Variants in SH3BP5 observed in about 807,000 individuals in gnomAD.
SH3BP5 encodes SH3 domain-binding protein 5.
Under a neutral mutation model 43.3 loss-of-function variants are expected in SH3BP5, and 22 were observed. That is an observed-to-expected ratio of 0.51 (90% CI 0.36 to 0.73). The LOEUF is 0.73. SH3BP5 is among the 30% of genes least tolerant of loss of function. The probability of loss-of-function intolerance (pLI) is 0.00; values close to 1 mark genes in which losing one functional copy is unlikely to be tolerated. For missense variants in SH3BP5, 529 were observed against 586.9 expected (o/e 0.90, Z 1.02); for synonymous variants, 255 against 225.8 (o/e 1.13, Z -1.16).
intron 5 of SH3BP5, chr3:15,260,279 C>G (rs1365622591): frequency 1.2e-5 from 2 of 173,826 alleles, no homozygotes; most frequent in Non-Finnish European, 2.5e-5. Flanking sequence ...CCACTCCTCC[C>G]TCACAGCACA....
chr3:15,336,222 G>T (rs1044240028), upstream of SH3BP5, among the ~76,000 whole-genome samples: 4 of 152,204 alleles, frequency 2.6e-5, no homozygotes, highest in South Asian at 2.1e-4. Context: ...ATGTGCAAAG[G>T]TCCTGAGGTG....
chr3:15,297,080 C>A (rs373004084), intron 3 of SH3BP5, among the ~76,000 whole-genome samples: 32 of 152,254 alleles, frequency 2.1e-4, no homozygotes, highest in African/African-American at 7.7e-4. Flanking sequence ...CTAGGATTAA[C>A]ATAATAGTTC....
rs190588965 is a variant in SH3BP5 at position 15,295,160 on chromosome 3, C to A, written c.330+8943G>T. The stretch of plus-strand genomic sequence containing the variant: ...TCTACATCAGAGCCACATGGTTCAG[C>A]GCACTAACAAATAAGCCTCTCCATG... On this transcript the variant is annotated intron_variant, in intron 3 of 8. Coordinates refer to ENST00000383791, the MANE Select transcript of SH3BP5 (RefSeq NM_004844.5). Among the ~76,000 whole-genome samples the A allele has an allele frequency of 1.9e-3, 284 of 152,256 alleles. 5 individuals carry two copies. The highest frequency in any genetic ancestry group is 6.5e-3 in the African/African-American group (270 of 41,538).
intron 7 of SH3BP5, chr3:15,257,485 C>T: frequency 5.6e-6 from 1 of 177,196 alleles, no homozygotes; most frequent in Non-Finnish European, 1.2e-5. Context: ...TTCTAGTCCT[C>T]TGTAACATAT....
intron 7 of SH3BP5, chr3:15,258,227 T>C (rs1171330465): frequency 6.6e-6 from 1 of 151,968 alleles, no homozygotes; most frequent in Non-Finnish European, 1.5e-5. Context: ...GTTGGGTGGG[T>C]TTTCTTGATG....
intron 3 of SH3BP5, chr3:15,271,747 G>A (rs1282018822): frequency 1.3e-5 from 2 of 152,116 alleles, no homozygotes; most frequent in African/African-American, 4.8e-5. Flanking sequence ...TGACCACAGG[G>A]AAACTTACAA....
At chr3:15,288,137 G>C (rs1446456569) in intron 3 of SH3BP5, among the ~76,000 whole-genome samples, 1 of 152,184 alleles carries the variant, frequency 6.6e-6, no homozygotes, top group African/African-American at 2.4e-5. Flanking sequence ...ATTCCCTCTT[G>C]CTCATGGGAG....
intron 5 of SH3BP5, 30 bp downstream of exon 5, chr3:15,262,129 G>C: frequency 6.2e-7 from 1 of 1,612,156 alleles, no homozygotes; most frequent in Non-Finnish European, 8.5e-7. Context: ...ACAGCCGCAC[G>C]GCCCCAGGGA....
Position 15,257,777 on chromosome 3 carries a change from C to T in SH3BP5, c.890-664G>A, listed in dbSNP as rs115265578. Among the ~76,000 whole-genome samples the T allele has an allele frequency of 4.2e-3, 635 of 152,342 alleles. 2 individuals carry two copies. The highest frequency in any genetic ancestry group is 0.031 in the Middle Eastern group (9 of 292). On this transcript the variant is annotated intron_variant, in intron 7 of 8. Coordinates refer to ENST00000383791, the MANE Select transcript of SH3BP5 (RefSeq NM_004844.5). ...GTTTCAAAGCCTCTTTGGCCTTTAG[C>T]GGTTTTCCCTCAGCCTGCCCACAAT...
At chr3:15,328,410 CA>C (rs1393989876) in intron 2 of SH3BP5, among the ~76,000 whole-genome samples, 3 of 146,368 alleles carry the variant, frequency 2.0e-5, no homozygotes, top group African/African-American at 7.6e-5. Flanking sequence ...TAGAATCAAT[CA>C]ATGCTTTTAA....
At chr3:15,336,385 T>A (rs1273472673), upstream of SH3BP5, among the ~76,000 whole-genome samples, 1 of 152,142 alleles carries the variant, frequency 6.6e-6, no homozygotes, top group African/African-American at 2.4e-5. Flanking sequence ...TTGGATTTTG[T>A]TCTGAGTGAG....
intron 4 of SH3BP5, among the ~76,000 whole-genome samples, chr3:15,263,241 C>T (rs1696517653): frequency 6.6e-6 from 1 of 152,204 alleles, no homozygotes; most frequent in South Asian, 2.1e-4. Context: ...AGACCTCCTC[C>T]CGTTCACACC....
intron 3 of SH3BP5, 134 bp from the exon 4 acceptor site, chr3:15,270,011 A>G: frequency 1.4e-6 from 1 of 703,000 alleles, no homozygotes; most frequent in Non-Finnish European, 2.3e-6. Flanking sequence ...TGGCACCCAC[A>G]GGTCCTCATA....
At chr3:15,292,061 C>A (rs1242097016) in intron 3 of SH3BP5, among the ~76,000 whole-genome samples, 1 of 152,218 alleles carries the variant, frequency 6.6e-6, no homozygotes, top group Non-Finnish European at 1.5e-5. Context: ...GTAGCAGAAA[C>A]ACAACCTATG....
intron 5 of SH3BP5, among the ~76,000 whole-genome samples, chr3:15,261,732 T>A (rs1696449092): frequency 6.6e-6 from 1 of 151,860 alleles, no homozygotes; most frequent in South Asian, 2.1e-4. Context: ...AAGCCAGTCT[T>A]ACAGCATTTT....
chr3:15,275,977 G>GCC (rs1696951568), intron 3 of SH3BP5: 1 of 122,098 alleles, frequency 8.2e-6, no homozygotes, highest in Non-Finnish European at 1.6e-5. Flanking sequence ...CCAAGATCGT[G>GCC]CCACTGCACT....
chr3:15,262,703 A>G (rs996062185), intron 4 of SH3BP5, among the ~76,000 whole-genome samples: 3 of 151,914 alleles, frequency 2.0e-5, no homozygotes, highest in Non-Finnish European at 4.4e-5. Context: ...CACACCTGTA[A>G]TCACAGTCCT....
intron 4 of SH3BP5, among the ~76,000 whole-genome samples, chr3:15,265,470 C>T (rs542132822): frequency 4.7e-5 from 7 of 149,380 alleles, no homozygotes; most frequent in Middle Eastern, 7.0e-3. Flanking sequence ...GAGCCAAGAT[C>T]GCGCCGCTGC....
chr3:15,279,393 C>A (rs1291223278), intron 3 of SH3BP5, among the ~76,000 whole-genome samples: 1 of 152,118 alleles, frequency 6.6e-6, no homozygotes, highest in African/African-American at 2.4e-5. Context: ...AGAGACAGCA[C>A]CTGCAGCTGT....
Sources: gnomAD v4.1 joint callset for allele counts (sites outside exome capture counted in the v4.1 genomes callset) on GRCh38, gnomAD v4.1.1 for gene constraint, MANE v1.5 for transcripts, NCBI Gene and HGNC (gene_info 2026-07-23, HGNC 2026-07-21) for gene names.